The following ATP8B4 variants were observed in gnomAD, a reference collection of about 807,000 sequenced individuals.
The protein encoded by ATP8B4 is probable phospholipid-transporting ATPase IM.
ATP8B4 carries 133 observed loss-of-function variants against 145.6 expected under a neutral mutation model. That is an observed-to-expected ratio of 0.91 (90% CI 0.79 to 1.05). The LOEUF (loss-of-function observed/expected upper bound fraction) is 1.05, where lower values mean the gene tolerates loss of function less well. Among genes scored for constraint, ATP8B4 ranks in the 50% least tolerant of loss-of-function variants. The probability of loss-of-function intolerance (pLI) is 0.00; values close to 1 mark genes in which losing one functional copy is unlikely to be tolerated. For missense variants in ATP8B4, 1,458 were observed against 1,425.2 expected, an observed-to-expected ratio of 1.02 and a Z score of -0.37; for synonymous variants, 507 against 492.9, an observed-to-expected ratio of 1.03 and a Z score of -0.38.
chr15:50,091,989 G>A (rs1181827970), intron 2 of ATP8B4, among the ~76,000 whole-genome samples: 1 of 152,102 alleles, frequency 6.6e-6, no homozygotes, highest in East Asian at 1.9e-4. Flanking sequence ...GAAGAAAAGA[G>A]AAATGTATTA....
At chr15:50,164,942 T>C (rs112741628) in intron 1 of ATP8B4, among the ~76,000 whole-genome samples, 3 of 152,356 alleles carry the variant, frequency 2.0e-5, no homozygotes, top group African/African-American at 7.2e-5. Context: ...ACATAGACTC[T>C]TTCTCCATGC....
At chr15:49,950,017 A>C (rs1391370477) in intron 14 of ATP8B4, among the ~76,000 whole-genome samples, 1 of 152,170 alleles carries the variant, frequency 6.6e-6, no homozygotes, top group Non-Finnish European at 1.5e-5. Context: ...AGCTGACTTG[A>C]TCATGGTGGA....
chr15:50,148,725 CT>C (rs113974767), intron 1 of ATP8B4, among the ~76,000 whole-genome samples: 7 of 152,210 alleles, frequency 4.6e-5, no homozygotes, highest in African/African-American at 1.4e-4. Context: ...ACAAAACAGG[CT>C]AACACAGATA....
At chr15:50,008,372 C>T (rs952221769) in intron 7 of ATP8B4, among the ~76,000 whole-genome samples, 1 of 152,130 alleles carries the variant, frequency 6.6e-6, no homozygotes, top group East Asian at 1.9e-4. Context: ...TGCTGTCCCT[C>T]CAAACGATAA....
At position 49,897,457 on chromosome 15, in the gene ATP8B4, G is replaced by A. The variant is rs764507536; in HGVS notation, c.2532C>T (p.Ser844=). 5 of 1,607,150 alleles carry A rather than the reference G, an allele frequency of 3.1e-6. No individual in the cohort carries two copies. The South Asian group carries it at 3.3e-5, about 11-fold the overall frequency. The change falls in exon 23 of 28, where the codon AGC becomes AGT. Residue 844 remains serine, a synonymous_variant. Transcript: ENST00000284509. ...GQEGLQAVLA[S]DYSFAQFRYL... ...ATCTAAACTGTGCAAATGAATAGTC[G>A]CTGGCTAAGACTGCTTGCAATCCTT...
chr15:50,060,518 T>C (rs1009253343), intron 3 of ATP8B4, among the ~76,000 whole-genome samples: 7 of 152,076 alleles, frequency 4.6e-5, no homozygotes, highest in African/African-American at 7.2e-5. Context: ...ATCCTTCATT[T>C]CCCCCATGTA....
At chr15:50,162,435 T>C (rs2044533859) in intron 1 of ATP8B4, among the ~76,000 whole-genome samples, 1 of 152,130 alleles carries the variant, frequency 6.6e-6, no homozygotes, top group Admixed American at 6.5e-5. Context: ...CTATCTCCTC[T>C]TTGAGACCAA....
rs1261763727 is a variant in ATP8B4, at chr15:49,897,842, C to T, written c.2473+226G>A. Among the ~76,000 whole-genome samples, 5 of 152,082 alleles carry T rather than the reference C, an allele frequency of 3.3e-5. No homozygotes were observed. In the East Asian group the frequency reaches 5.8e-4, roughly 18 times the overall value. On this transcript the variant is annotated intron_variant, in intron 22 of 27. Coordinates refer to ENST00000284509, the MANE Select transcript of ATP8B4 (RefSeq NM_024837.4). The stretch of plus-strand genomic sequence containing the variant: ...ACTTCCTCAAATAGTAAAAGGTGAA[C>T]GACGTCTTTTTCTAGCCTAAAAATA...
intron 6 of ATP8B4, among the ~76,000 whole-genome samples, chr15:50,029,105 C>T (rs577102844): frequency 3.9e-5 from 6 of 151,948 alleles, no homozygotes; most frequent in East Asian, 3.9e-4. Context: ...TGGTGGCACA[C>T]GCCTGTAGTC....
chr15:49,971,069 T>G (rs1043771524), intron 13 of ATP8B4, among the ~76,000 whole-genome samples: 1 of 152,204 alleles, frequency 6.6e-6, no homozygotes, highest in Non-Finnish European at 1.5e-5. Context: ...GCTAGCCATA[T>G]GCAGAAAACT....
At chr15:50,026,406 C>T (rs1447978406) in intron 6 of ATP8B4, among the ~76,000 whole-genome samples, 1 of 152,104 alleles carries the variant, frequency 6.6e-6, no homozygotes, top group Non-Finnish European at 1.5e-5. Context: ...TTCAAGAGGT[C>T]CGGGAAAGAG....
intron 1 of ATP8B4, among the ~76,000 whole-genome samples, chr15:50,134,720 A>G (rs1489242664): frequency 6.6e-6 from 1 of 152,256 alleles, no homozygotes; most frequent in Admixed American, 6.5e-5. Context: ...TATTCCAAAT[A>G]TAGAACTGAC....
At chr15:49,974,157 A>G (rs2045453285) in intron 12 of ATP8B4, among the ~76,000 whole-genome samples, 1 of 144,650 alleles carries the variant, frequency 6.9e-6, no homozygotes, top group Non-Finnish European at 1.5e-5. Context: ...ATCTCGGCTC[A>G]CTGCAACTTC....
At chr15:50,079,759 A>C (rs1430957075) in intron 2 of ATP8B4, among the ~76,000 whole-genome samples, 1 of 152,218 alleles carries the variant, frequency 6.6e-6, no homozygotes, top group Non-Finnish European at 1.5e-5. Context: ...TATTTGAATG[A>C]ATGCATAAGC....
At position 49,916,967 on chromosome 15, in the gene ATP8B4, C is replaced by T; in HGVS notation, c.2108G>A (p.Gly703Glu). 6.2e-7 allele frequency: 1 copy of T among 1,613,934 alleles called. No individual in the cohort carries two copies. The highest frequency in any genetic ancestry group is 1.1e-5 in the South Asian group (1 of 91,040). The change falls in exon 20 of 28, where the codon GGG becomes GAG. Residue 703 changes from glycine to glutamate, a missense_variant. Coordinates refer to ENST00000284509, the MANE Select transcript of ATP8B4 (RefSeq NM_024837.4). ...TTCTCTCACTTCCACAGCATTATTCCCTGCTATCACAAACACATCATTCAT... is the reference window on the plus strand; with the variant it reads ...TTCTCTCACTTCCACAGCATTATTCTCTGCTATCACAAACACATCATTCAT... Reference protein sequence around the residue: ...DDMNDVFVIAGNNAVEVREEL... With the variant: ...DDMNDVFVIAENNAVEVREEL...
chr15:49,975,245 A>T (rs1413245818), intron 12 of ATP8B4, among the ~76,000 whole-genome samples: 1 of 152,124 alleles, frequency 6.6e-6, no homozygotes, highest in Non-Finnish European at 1.5e-5. Context: ...AAGTACCTCA[A>T]TTAGTAAGGA....
intron 2 of ATP8B4, among the ~76,000 whole-genome samples, chr15:50,101,763 A>T (rs570350243): frequency 6.6e-6 from 1 of 152,164 alleles, no homozygotes; most frequent in South Asian, 2.1e-4. Context: ...TTTACAGAAC[A>T]TTCTACCCAA....
chr15:49,866,055 A>G (rs776138688), intron 26 of ATP8B4, among the ~76,000 whole-genome samples: 39 of 152,326 alleles, frequency 2.6e-4, no homozygotes, highest in Admixed American at 7.8e-4. Flanking sequence ...GTCTTCAGGT[A>G]GCCCTAATGT....
At chr15:50,088,870 A>T (rs555534296) in intron 2 of ATP8B4, among the ~76,000 whole-genome samples, 3 of 152,226 alleles carry the variant, frequency 2.0e-5, no homozygotes, top group Non-Finnish European at 4.4e-5. Context: ...GAATGGATAG[A>T]TAAATCAATA....
Sources: allele counts gnomAD v4.1 joint callset (sites outside exome capture counted in the v4.1 genomes callset), GRCh38; gene constraint gnomAD v4.1.1; transcripts MANE v1.5; gene names NCBI Gene and HGNC (gene_info 2026-07-23, HGNC 2026-07-21).